Variants in PSMF1 observed in about 807,000 individuals in gnomAD.
PSMF1 encodes proteasome inhibitor subunit 1, also known as proteasome inhibitor PI31 subunit.
PSMF1 carries 30 observed loss-of-function variants against 29.3 expected under a neutral mutation model. That is an observed-to-expected ratio of 1.02 (90% CI 0.77 to 1.39). The LOEUF (loss-of-function observed/expected upper bound fraction) is 1.39, where lower values mean the gene tolerates loss of function less well. Ranked by LOEUF, PSMF1 falls within the 40% of genes most tolerant of loss-of-function variation. The pLI, the probability that PSMF1 is intolerant of heterozygous loss-of-function variation, is 0.00. For synonymous variants in PSMF1, 134 were observed against 139.7 expected (o/e 0.96, Z 0.29); for missense variants, 344 against 357.5 (o/e 0.96, Z 0.31).
At chr20:1,128,963 C>T (rs982380036) in intron 3 of PSMF1, among the ~76,000 whole-genome samples, 1 of 152,056 alleles carries the variant, frequency 6.6e-6, no homozygotes, top group African/African-American at 2.4e-5. Context: ...GCAAGCTCTA[C>T]CTCCCGGGTT....
At chr20:1,133,555 G>GTGTGTATATATA (rs60728448) in intron 3 of PSMF1, among the ~76,000 whole-genome samples, 2 of 53,988 alleles carry the variant, frequency 3.7e-5, no homozygotes, top group African/African-American at 1.3e-4. Context: ...CTATATATGT[G>GTGTGTATATATA]TATATATATA....
intron 4 of PSMF1, among the ~76,000 whole-genome samples, chr20:1,140,552 A>G (rs1383331827): frequency 6.6e-6 from 1 of 152,196 alleles, no homozygotes; most frequent in East Asian, 1.9e-4. Flanking sequence ...GGTTTCTTAG[A>G]CACAATACCT....
Position 1,165,517 on chromosome 20 carries a change from T to G in PSMF1, c.*437T>G. The G allele has an allele frequency of 3.0e-6, 3 of 1,004,816 alleles. No individual in the cohort carries two copies. The highest frequency in any genetic ancestry group is 4.3e-5 in the South Asian group (1 of 23,136). 62.2% of individuals were successfully genotyped at this position (1,004,816 alleles called of 1,614,324 possible). A position where few individuals can be genotyped will look rare whatever the true frequency, so the allele number is the denominator to read the frequency against. On this transcript the variant is annotated 3_prime_UTR_variant, in exon 7 of 7. Transcript: ENST00000335877. ...TACATTAATGCATAGCTGCTTCCAT[T>G]TATGAGACTTTAGAGTTTGAGTTTC...
Position 1,167,098 on chromosome 20 carries a change from A to G in PSMF1, c.*2018A>G, listed in dbSNP as rs1721061791. The G allele has an allele frequency of 6.6e-6, 1 of 152,196 alleles. No homozygotes were observed. The highest frequency in any genetic ancestry group is 1.5e-5 in the Non-Finnish European group (1 of 68,030). The allele number at this position is 152,196 out of a possible 1,614,324, so 9.4% of individuals were successfully genotyped here. On this transcript the variant is annotated 3_prime_UTR_variant, in exon 7 of 7. Coordinates refer to ENST00000335877, the MANE Select transcript of PSMF1 (RefSeq NM_006814.5). ...TTTTTTTGTGAGTTTCCTTGCATCA[A>G]GGACACTGAGAAACACAGTCATTGT...
At chr20:1,145,577 C>A (rs868463035) in intron 4 of PSMF1, among the ~76,000 whole-genome samples, 23 of 152,158 alleles carry the variant, frequency 1.5e-4, no homozygotes, top group African/African-American at 5.1e-4. Flanking sequence ...TAGAGCCAGG[C>A]AGGGGTCGTT....
At chr20:1,156,969 T>TTA (rs1329250471) in intron 4 of PSMF1, among the ~76,000 whole-genome samples, 1 of 152,198 alleles carries the variant, frequency 6.6e-6, no homozygotes, top group Non-Finnish European at 1.5e-5. Context: ...GGGAGTTTAT[T>TTA]AAGTATTAAC....
intron 2 of PSMF1, chr20:1,126,064 C>T (rs1301135366): frequency 9.5e-6 from 4 of 419,310 alleles, no homozygotes; most frequent in Non-Finnish European, 1.9e-5. Context: ...CAGCCCTTCA[C>T]CATTCCTTCA....
chr20:1,148,227 C>G (rs1413399914), intron 4 of PSMF1, among the ~76,000 whole-genome samples: 1 of 152,140 alleles, frequency 6.6e-6, no homozygotes, highest in African/African-American at 2.4e-5. Context: ...AGAGGACATT[C>G]CATTGTAGTG....
At chr20:1,153,084 A>G (rs1456408420) in intron 4 of PSMF1, among the ~76,000 whole-genome samples, 1 of 152,192 alleles carries the variant, frequency 6.6e-6, no homozygotes, top group African/African-American at 2.4e-5. Flanking sequence ...TATCCTTACC[A>G]ATGCTGGAGT....
In PSMF1 at chr20:1,163,156, T is replaced by G; in HGVS notation, c.578T>G (p.Val193Gly). 6.2e-7 allele frequency: 1 copy of G among 1,614,172 alleles called. No homozygotes were observed. Among genetic ancestry groups the G allele is most frequent in the Non-Finnish European group, 8.5e-7 (1 of 1,180,028 alleles). The stretch of plus-strand genomic sequence containing the variant: ...TGTGATCCCCTGGGCCCGTTTGTTG[T>G]CGGGGGAGAAGACTTAGACCCTTTT... ...PWCDPLGPFV[V>G]GGEDLDPFGP... is the part of the protein sequence containing the mutation. The change falls in exon 5 of 7, where the codon GTC (valine) becomes GGC (glycine). Residue 193 changes from valine to glycine, a missense_variant. Val to Gly is a moderately radical substitution (Grantham distance 109). Coordinates refer to ENST00000335877, the MANE Select transcript of PSMF1 (RefSeq NM_006814.5). This position sits in a 1 kb window ranked among gnomAD's most constrained non-coding sequence, Gnocchi z 6.1.
chr20:1,164,801 A>G lies in PSMF1; in HGVS notation c.765-228A>G, dbSNP rs1901208068. 6.6e-6 allele frequency among the ~76,000 whole-genome samples: 1 copy of G among 152,202 alleles called. No individual in the cohort carries two copies. Among genetic ancestry groups the G allele is most frequent in the African/African-American group, 2.4e-5 (1 of 41,446 alleles). On this transcript the variant is annotated intron_variant, in intron 6 of 6. Coordinates refer to ENST00000335877, the MANE Select transcript of PSMF1 (RefSeq NM_006814.5). The surrounding 1 kb of genome is among the most constrained non-coding windows in gnomAD (Gnocchi z 4.1). ...CAGTCTTGGGTAGATGGTGGCGTCTACATTTTATAGATGCAGAAAATGAGG... is the reference window on the plus strand; with the variant it reads ...CAGTCTTGGGTAGATGGTGGCGTCTGCATTTTATAGATGCAGAAAATGAGG...
chr20:1,164,296 C>A lies in PSMF1; in HGVS notation c.606-22C>A. 6.2e-7 allele frequency: 1 copy of A among 1,607,070 alleles called. No individual in the cohort carries two copies. The highest frequency in any genetic ancestry group is 8.5e-7 in the Non-Finnish European group (1 of 1,173,622). ...GGCAGTCCTTGCCACACCTGCTTAC[C>A]TAACTTTTCTTCTTGCCTCAGGCCT... On this transcript the variant is annotated intron_variant, in intron 5 of 6. Coordinates refer to ENST00000335877, the MANE Select transcript of PSMF1 (RefSeq NM_006814.5). The surrounding 1 kb of genome is among the most constrained non-coding windows in gnomAD (Gnocchi z 4.1).
chr20:1,154,667 C>A (rs1472812495), intron 4 of PSMF1, among the ~76,000 whole-genome samples: 1 of 152,210 alleles, frequency 6.6e-6, no homozygotes, highest in African/African-American at 2.4e-5. Context: ...AATCTGAGGT[C>A]CCACTCCTAG....
At chr20:1,119,781 A>T (rs914770034) in intron 1 of PSMF1, among the ~76,000 whole-genome samples, 1 of 152,126 alleles carries the variant, frequency 6.6e-6, no homozygotes, top group African/African-American at 2.4e-5. Flanking sequence ...CATCCTAGAC[A>T]TCTGCTTCCT....
chr20:1,146,292 T>C (rs1455526178), intron 4 of PSMF1, among the ~76,000 whole-genome samples: 1 of 146,624 alleles, frequency 6.8e-6, no homozygotes, highest in East Asian at 2.0e-4. Flanking sequence ...CGTAACAGAT[T>C]TTTTTTTTTT....
intron 1 of PSMF1, among the ~76,000 whole-genome samples, chr20:1,120,095 A>G (rs1311812225): frequency 1.3e-5 from 2 of 151,174 alleles, no homozygotes; most frequent in Non-Finnish European, 2.9e-5. Context: ...TGCTGTCCCT[A>G]TTCCTCTCTG....
chr20:1,138,834 CA>C (rs71191994), intron 4 of PSMF1, among the ~76,000 whole-genome samples: 1 of 148,862 alleles, frequency 6.7e-6, no homozygotes, highest in Admixed American at 6.7e-5. Flanking sequence ...CAAAAACAAA[CA>C]AAAAAAAACA....
chr20:1,157,493 A>C (rs1568481337), intron 4 of PSMF1, among the ~76,000 whole-genome samples: 1 of 152,258 alleles, frequency 6.6e-6, no homozygotes, highest in Non-Finnish European at 1.5e-5. Context: ...ATACTATTAC[A>C]TAAAGTTAAC....
rs6134082 is a variant in PSMF1, at chr20:1,164,181, G to A, written c.606-137G>A. On this transcript the variant is annotated intron_variant, in intron 5 of 6. Transcript: ENST00000335877. The surrounding 1 kb of genome is among the most constrained non-coding windows in gnomAD (Gnocchi z 4.1). ...CTTGCCCACTTTCCGCTGGCTCTCA[G>A]GCAGCCATCCACATGTCTGCTTGGG... 2 of 884,442 alleles carry A rather than the reference G, an allele frequency of 2.3e-6. No individual in the cohort carries two copies. The highest frequency in any genetic ancestry group is 1.7e-5 in the African/African-American group (1 of 60,420). 54.8% of individuals were successfully genotyped at this position (884,442 alleles called of 1,614,324 possible). A position where few individuals can be genotyped will look rare whatever the true frequency, so the allele number is the denominator to read the frequency against.
Sources: gnomAD v4.1 joint callset for allele counts (sites outside exome capture counted in the v4.1 genomes callset) on GRCh38, gnomAD v4.1.1 for gene constraint, Gnocchi (gnomAD v3.1) non-coding constraint, MANE v1.5 for transcripts, NCBI Gene and HGNC (gene_info 2026-07-23, HGNC 2026-07-21) for gene names.